Variants in NDUFA12 observed in about 807,000 individuals in gnomAD.
The protein encoded by NDUFA12 is NADH:ubiquinone oxidoreductase subunit A12, also known as NADH dehydrogenase [ubiquinone] 1 alpha subcomplex subunit 12.
NDUFA12 carries 17 observed loss-of-function variants against 20.3 expected under a neutral mutation model. The ratio of observed to expected loss-of-function variants is 0.84; its 90% CI spans 0.57 to 1.26. The LOEUF is 1.26. Among genes scored for constraint, NDUFA12 ranks in the 50% most tolerant of loss-of-function variants. NDUFA12 has a pLI of 0.00. For missense variants in NDUFA12, 191 were observed against 183.7 expected (o/e 1.04, Z -0.23); for synonymous variants, 72 against 63.6 (o/e 1.13, Z -0.63).
At chr12:94,975,162 T>G (rs1874027380) in intron 3 of NDUFA12, among the ~76,000 whole-genome samples, 1 of 152,204 alleles carries the variant, frequency 6.6e-6, no homozygotes, top group South Asian at 2.1e-4. Context: ...AAATTAAAAT[T>G]GTTTTTAAAA....
At chr12:95,002,710 T>C (rs1253002065) in intron 2 of NDUFA12, 29 bp downstream of exon 2, 1 of 1,511,712 alleles carries the variant, frequency 6.6e-7, no homozygotes, top group Non-Finnish European at 9.2e-7. Context: ...CCCAATCCAA[T>C]TATTCATACT....
chr12:94,981,115 A>C (rs1051600549), intron 3 of NDUFA12, among the ~76,000 whole-genome samples: 3 of 152,200 alleles, frequency 2.0e-5, no homozygotes, highest in Non-Finnish European at 4.4e-5. Flanking sequence ...AGAGAAAAAA[A>C]AAGAAAGAAA....
intron 2 of NDUFA12, among the ~76,000 whole-genome samples, chr12:95,001,854 G>A (rs1592707792): frequency 6.6e-6 from 1 of 151,866 alleles, no homozygotes; most frequent in East Asian, 2.0e-4. Context: ...ACAGGCACAC[G>A]CCACCACATC....
intron 2 of NDUFA12, chr12:94,997,114 G>C: frequency 3.9e-6 from 1 of 256,738 alleles, no homozygotes; most frequent in East Asian, 1.2e-4. Context: ...GCTAAGGCGG[G>C]AGGATTGCTT....
chr12:94,971,338 T>C lies in NDUFA12; in HGVS notation c.*102A>G. The C allele has an allele frequency of 7.5e-7, 1 of 1,331,526 alleles. No homozygotes were observed. The allele number at this position is 1,331,526 out of a possible 1,614,324, so 82.5% of individuals were successfully genotyped here. A position where few individuals can be genotyped will look rare whatever the true frequency, so the allele number is the denominator to read the frequency against. On this transcript the variant is annotated 3_prime_UTR_variant, in exon 4 of 4. Transcript: ENST00000327772. Reference sequence around the variant, plus strand: ...AAAAGGCACGAAAGACATTGTTTAGTCACACAATTTTAATTGTGAATTATA... The same window carrying C: ...AAAAGGCACGAAAGACATTGTTTAGCCACACAATTTTAATTGTGAATTATA...
chr12:95,003,511 T>G, intron 1 of NDUFA12, 84 bp downstream of exon 1: 1 of 1,396,894 alleles, frequency 7.2e-7, no homozygotes, highest in Non-Finnish European at 1.0e-6. Context: ...TTCTCCAAGG[T>G]GACCCGAGCC....
intron 3 of NDUFA12, among the ~76,000 whole-genome samples, chr12:94,985,764 C>T (rs1874414231): frequency 6.6e-6 from 1 of 151,552 alleles, no homozygotes; most frequent in African/African-American, 2.4e-5. Context: ...TCAGACTGTG[C>T]AACATAGCAA....
intron 3 of NDUFA12, 52 bp from the exon 4 acceptor site, chr12:94,971,672 T>A: frequency 1.9e-6 from 3 of 1,598,670 alleles, no homozygotes; most frequent in African/African-American, 1.3e-5. Context: ...TACAGCATAG[T>A]GGAAGGACGG....
chr12:94,994,860 A>G (rs975553264), intron 2 of NDUFA12, among the ~76,000 whole-genome samples: 1 of 152,190 alleles, frequency 6.6e-6, no homozygotes, highest in African/African-American at 2.4e-5. Context: ...ACTTATTTAC[A>G]CAATTGGGTC....
chr12:94,990,200 C>A (rs1006923021), intron 3 of NDUFA12, among the ~76,000 whole-genome samples: 1 of 151,032 alleles, frequency 6.6e-6, no homozygotes, highest in Non-Finnish European at 1.5e-5. Flanking sequence ...TGTCAACCTG[C>A]ACATCCTGCA....
intron 2 of NDUFA12, among the ~76,000 whole-genome samples, chr12:95,000,083 C>T (rs1251605862): frequency 2.6e-5 from 4 of 152,194 alleles, no homozygotes; most frequent in African/African-American, 9.7e-5. Flanking sequence ...CCTAAATGCC[C>T]ATCAGTGAAC....
chr12:94,971,886 T>C, intron 3 of NDUFA12: 1 of 639,644 alleles, frequency 1.6e-6, no homozygotes, highest in Non-Finnish European at 2.8e-6. Flanking sequence ...AAATGTTAGC[T>C]ACCGTTCTCA....
At chr12:94,972,363 G>A (rs1229305299) in intron 3 of NDUFA12, 8 of 369,912 alleles carry the variant, frequency 2.2e-5, no homozygotes, top group South Asian at 5.8e-5. Context: ...AATTTTAGAC[G>A]TGGAAATGCA....
chr12:94,994,150 A>G lies in NDUFA12; in HGVS notation c.257+20T>C. Reference sequence around the variant, plus strand: ...AAAAAGAAAAAAAAGAAAGACAAATAAAATGTTGTCTTAGCTTACCATTCA... The same window carrying G: ...AAAAAGAAAAAAAAGAAAGACAAATGAAATGTTGTCTTAGCTTACCATTCA... On this transcript the variant is annotated intron_variant, in intron 3 of 3. Transcript: ENST00000327772. The G allele has an allele frequency of 1.9e-6, 3 of 1,604,892 alleles. No individual in the cohort carries two copies. The highest frequency in any genetic ancestry group is 2.6e-6 in the Non-Finnish European group (3 of 1,171,820).
At chr12:94,991,902 T>G (rs1165964331) in intron 3 of NDUFA12, among the ~76,000 whole-genome samples, 2 of 152,166 alleles carry the variant, frequency 1.3e-5, no homozygotes, top group East Asian at 3.8e-4. Flanking sequence ...CACTGCAGTC[T>G]CCACTACGTC....
chr12:94,997,969 T>A (rs1017671951), intron 2 of NDUFA12, among the ~76,000 whole-genome samples: 4 of 152,354 alleles, frequency 2.6e-5, no homozygotes, highest in South Asian at 2.1e-4. Context: ...GTGCTGCTGC[T>A]GCTGGTCATT....
chr12:94,972,918 G>C (rs1282191521), intron 3 of NDUFA12, among the ~76,000 whole-genome samples: 2 of 151,932 alleles, frequency 1.3e-5, no homozygotes, highest in Non-Finnish European at 2.9e-5. Context: ...GGGAAAGAAG[G>C]GAAGACAGAA....
chr12:94,980,546 T>C (rs1174569148), intron 3 of NDUFA12, among the ~76,000 whole-genome samples: 1 of 150,854 alleles, frequency 6.6e-6, no homozygotes, highest in Non-Finnish European at 1.5e-5. Context: ...AATTTTTCCC[T>C]GGGCACAGAA....
At chr12:94,984,633 G>A in intron 3 of NDUFA12, among the ~76,000 whole-genome samples, 1 of 142,900 alleles carries the variant, frequency 7.0e-6, no homozygotes, top group Non-Finnish European at 1.5e-5. Flanking sequence ...GATGAACCTG[G>A]AACACCTCAT....
Sources: gnomAD v4.1 joint callset for allele counts (sites outside exome capture counted in the v4.1 genomes callset) on GRCh38, gnomAD v4.1.1 for gene constraint, MANE v1.5 for transcripts, NCBI Gene and HGNC (gene_info 2026-07-23, HGNC 2026-07-21) for gene names.